The following RABAC1 variants were observed in gnomAD, a reference collection of about 807,000 sequenced individuals.
RABAC1 encodes prenylated Rab acceptor protein 1.
A neutral mutation model predicts 22.9 loss-of-function variants in RABAC1; 16 were observed. That is an observed-to-expected ratio of 0.70 (90% CI 0.47 to 1.06). The LOEUF (loss-of-function observed/expected upper bound fraction) is 1.06, where lower values mean the gene tolerates loss of function less well. Among genes scored for constraint, RABAC1 ranks in the 50% least tolerant of loss-of-function variants. RABAC1 has a pLI of 0.00. For synonymous variants in RABAC1, 139 were observed against 107.7 expected (o/e 1.29, Z -1.80); for missense variants, 227 against 246.5 (o/e 0.92, Z 0.53).
chr19:41,959,100 C>A, intron 1 of RABAC1, 137 bp downstream of exon 1: 1 of 1,366,402 alleles, frequency 7.3e-7, no homozygotes, highest in South Asian at 1.4e-5. Flanking sequence ...ACTCCAGGGT[C>A]CCATTAGAGG....
chr19:41,959,203 C>G (rs372163531), intron 1 of RABAC1, 34 bp downstream of exon 1: 1 of 1,612,604 alleles, frequency 6.2e-7, no homozygotes, highest in African/African-American at 1.3e-5. Context: ...ACTCCCGGGT[C>G]TCTGGTCCGA....
rs782017026 is a variant in RABAC1, at chr19:41,959,245, C to A, written c.48G>T (p.Leu16=). 6.2e-7 allele frequency: 1 copy of A among 1,613,584 alleles called. No homozygotes were observed. ...AGAGCCAGCTCGCTCACGTGCCGCT[C>A]AGCCCTTCCGCCTCGGCATCTTTCT... ...DQQKDAEAEG[L]SGTTLLPKLI... Residue 16 remains leucine (L), a synonymous_variant, in exon 1 of 5, where the codon CTG becomes CTT. Coordinates refer to ENST00000222008, the MANE Select transcript of RABAC1 (RefSeq NM_006423.3).
In RABAC1 at chr19:41,957,098, T is replaced by C; in HGVS notation, c.389A>G (p.His130Arg). Residue 130 changes from histidine (H) to arginine (R), a missense_variant, in exon 4 of 5, where the codon CAT becomes CGT. Transcript: ENST00000222008. The part of the protein sequence containing the change: ...VLFGREVSPA[H>R]QYALAGGISF... ...GATGCCTCCAGCCAGAGCATACTGA[T>C]GCGCTGGGCTCACCTCTCGGCCTGG... 1.2e-6 allele frequency: 2 copies of C among 1,613,730 alleles called. No homozygotes were observed. Among genetic ancestry groups the C allele is most frequent in the Non-Finnish European group, 1.7e-6 (2 of 1,179,996 alleles).
rs1214018161 is a variant in RABAC1, at chr19:41,956,766, G to GTCCCAC, written c.*79_*80insGTGGGA. The GTCCCAC allele has an allele frequency of 3.2e-5, 43 of 1,339,044 alleles. No individual in the cohort carries two copies. Among genetic ancestry groups the GTCCCAC allele is most frequent in the African/African-American group, 4.4e-5 (3 of 68,178 alleles). 82.9% of individuals were successfully genotyped at this position (1,339,044 alleles called of 1,614,324 possible). A position where few individuals can be genotyped will look rare whatever the true frequency, so the allele number is the denominator to read the frequency against. On this transcript the variant is annotated 3_prime_UTR_variant, in exon 5 of 5. Transcript: ENST00000222008. Reference sequence around the variant, plus strand: ...TGTGATGGGACGGCGCTGTGGGCCCGAGCAGCAGAGCCGTGCAGGACAGGC... The same window carrying GTCCCAC: ...TGTGATGGGACGGCGCTGTGGGCCCGTCCCACAGCAGCAGAGCCGTGCAGGACAGGC...
At chr19:41,958,527 G>T in intron 2 of RABAC1, 144 bp from the exon 3 acceptor site, 1 of 941,290 alleles carries the variant, frequency 1.1e-6, no homozygotes, top group Non-Finnish European at 1.6e-6. Flanking sequence ...CTGCATCCTG[G>T]CCAGGGTGAT....
At chr19:41,958,703 C>A (rs782551697) in intron 2 of RABAC1, 33 bp downstream of exon 2, 66 of 1,595,268 alleles carry the variant, frequency 4.1e-5, no homozygotes, top group Non-Finnish European at 5.1e-5. Flanking sequence ...CCGGTCGGGG[C>A]TAGTGCGGGT....
intron 3 of RABAC1, 95 bp from the exon 4 acceptor site, chr19:41,957,214 G>T: frequency 1.8e-6 from 2 of 1,089,958 alleles, no homozygotes; most frequent in Non-Finnish European, 1.4e-6. Context: ...CAAGCTCCAG[G>T]TTCTCGGGAT....
chr19:41,956,928 G>C lies in RABAC1; in HGVS notation c.476C>G (p.Thr159Ser), dbSNP rs781802711. 6.2e-7 allele frequency: 1 copy of C among 1,612,726 alleles called. No homozygotes were observed. The highest frequency in any genetic ancestry group is 1.1e-5 in the South Asian group (1 of 91,060). ...AGCGTGGGAGCCGATGACCACCAGG[G>C]TGGCTCCTGCAGGAAAGCCGGCAGC... ...GSAVFWVLGA[T>S]LVVIGSHAAF... Residue 159 changes from threonine to serine, a missense_variant, in exon 5 of 5, where the codon ACC (threonine) becomes AGC (serine). Coordinates refer to ENST00000222008, the MANE Select transcript of RABAC1 (RefSeq NM_006423.3).
intron 1 of RABAC1, 66 bp from the exon 2 acceptor site, chr19:41,959,014 G>A: frequency 6.9e-7 from 1 of 1,458,696 alleles, no homozygotes; most frequent in South Asian, 1.3e-5. Context: ...CAAAAGAAGG[G>A]GACTAAGGGT....
Position 41,956,742 on chromosome 19 carries a change from G to C in RABAC1, c.*104C>G. ...AAAGGCGGGATCCCTCCCCGGGCTT[G>C]TGATGGGACGGCGCTGTGGGCCCGA... is the stretch of plus-strand genomic sequence containing the variant. On this transcript the variant is annotated 3_prime_UTR_variant, in exon 5 of 5. Coordinates refer to ENST00000222008, the MANE Select transcript of RABAC1 (RefSeq NM_006423.3). The C allele has an allele frequency of 9.4e-7, 1 of 1,061,076 alleles. No individual in the cohort carries two copies. The highest frequency in any genetic ancestry group is 1.4e-6 in the Non-Finnish European group (1 of 740,496). The allele number at this position is 1,061,076 out of a possible 1,614,324, so 65.7% of individuals were successfully genotyped here.
chr19:41,958,479 C>A, intron 2 of RABAC1, 96 bp from the exon 3 acceptor site: 2 of 1,222,698 alleles, frequency 1.6e-6, no homozygotes, highest in Middle Eastern at 2.0e-4. Flanking sequence ...CAAGCTACAT[C>A]CTGGAGACCA....
At chr19:41,957,858 T>G (rs2145931394) in intron 3 of RABAC1, 1 of 170,726 alleles carries the variant, frequency 5.9e-6, no homozygotes, top group East Asian at 1.6e-4. Context: ...GGCTTCCCTC[T>G]CTAAGTTCCA....
At chr19:41,958,577 C>G (rs1448254576) in intron 2 of RABAC1, among the ~76,000 whole-genome samples, 159 bp downstream of exon 2, 1 of 152,144 alleles carries the variant, frequency 6.6e-6, no homozygotes, top group Non-Finnish European at 1.5e-5. Flanking sequence ...ACAAGGTAGT[C>G]TAGCAGAGCC....
chr19:41,958,951 G>T lies in RABAC1; in HGVS notation c.57-3C>A, dbSNP rs1396056796. ...GAATCAGCTTCGGCAGCAGGGTCCT[G>T]CGGGGGGTGGGGCCGGGTCAGTGGT... is the stretch of plus-strand genomic sequence containing the variant. On this transcript the variant is annotated splice_region_variant and splice_polypyrimidine_tract_variant and intron_variant, in intron 1 of 4. Transcript: ENST00000222008. 4 of 1,562,136 alleles carry T rather than the reference G, an allele frequency of 2.6e-6. No homozygotes were observed. Among genetic ancestry groups the T allele is most frequent in the Non-Finnish European group, 3.5e-6 (4 of 1,158,538 alleles).
intron 2 of RABAC1, 139 bp from the exon 3 acceptor site, chr19:41,958,522 T>C (rs971745971): frequency 1.0e-6 from 1 of 953,118 alleles, no homozygotes. Context: ...TCACACTGCA[T>C]CCTGGCCAGG....
rs782686584 is a variant in RABAC1, at chr19:41,959,218, C to T, written c.56+19G>A. 6.2e-7 allele frequency: 1 copy of T among 1,613,254 alleles called. No homozygotes were observed. The highest frequency in any genetic ancestry group is 8.5e-7 in the Non-Finnish European group (1 of 1,179,894). The stretch of plus-strand genomic sequence containing the variant: ...ACTCCCGGGTCTCTGGTCCGAGGGC[C>T]TAGAGCCAGCTCGCTCACGTGCCGC... On this transcript the variant is annotated intron_variant, in intron 1 of 4. Coordinates refer to ENST00000222008, the MANE Select transcript of RABAC1 (RefSeq NM_006423.3).
chr19:41,957,226 G>A (rs1207147711), intron 3 of RABAC1, 107 bp from the exon 4 acceptor site: 6 of 932,174 alleles, frequency 6.4e-6, no homozygotes, highest in Non-Finnish European at 9.9e-6. Context: ...TCTCGGGATC[G>A]AATCCAAACT....
At position 41,956,758 on chromosome 19, in the gene RABAC1, G is replaced by T; in HGVS notation, c.*88C>A. 7.9e-7 allele frequency: 1 copy of T among 1,259,840 alleles called. No homozygotes were observed. Among genetic ancestry groups the T allele is most frequent in the Non-Finnish European group, 1.1e-6 (1 of 911,452 alleles). The allele number at this position is 1,259,840 out of a possible 1,614,324, so 78.0% of individuals were successfully genotyped here. A position where few individuals can be genotyped will look rare whatever the true frequency, so the allele number is the denominator to read the frequency against. ...CCCGGGCTTGTGATGGGACGGCGCT[G>T]TGGGCCCGAGCAGCAGAGCCGTGCA... On this transcript the variant is annotated 3_prime_UTR_variant, in exon 5 of 5. Coordinates refer to ENST00000222008, the MANE Select transcript of RABAC1 (RefSeq NM_006423.3).
At chr19:41,958,416 A>T in intron 2 of RABAC1, 33 bp from the exon 3 acceptor site, 2 of 1,591,940 alleles carry the variant, frequency 1.3e-6, no homozygotes, top group South Asian at 1.1e-5. Context: ...CAGCGGTTAG[A>T]CAGCTGGGGC....
Sources: allele counts gnomAD v4.1 joint callset (sites outside exome capture counted in the v4.1 genomes callset), GRCh38; gene constraint gnomAD v4.1.1; transcripts MANE v1.5; gene names NCBI Gene and HGNC (gene_info 2026-07-23, HGNC 2026-07-21).